Variants in CCDC88C observed in about 807,000 individuals in gnomAD.
The protein encoded by CCDC88C is coiled-coil and HOOK domain protein 88C, also known as protein Daple.
CCDC88C carries 131 observed loss-of-function variants against 198.8 expected under a neutral mutation model. The observed-to-expected ratio is 0.66, with a 90% CI of 0.57 to 0.76. The LOEUF (loss-of-function observed/expected upper bound fraction) is 0.76. Ranked by LOEUF, CCDC88C falls within the 30% of genes least tolerant of loss-of-function variation. CCDC88C has a pLI of 0.00. For missense variants in CCDC88C, 2,553 were observed against 2,631.6 expected (o/e 0.97, Z 0.65); for synonymous variants, 1,166 against 1,114.7 (o/e 1.05, Z -0.92).
chr14:91,350,869 A>G (rs1893751178), intron 4 of CCDC88C, among the ~76,000 whole-genome samples: 1 of 152,230 alleles, frequency 6.6e-6, no homozygotes, highest in Non-Finnish European at 1.5e-5. Flanking sequence ...ACTTAATTCT[A>G]AAAGCAATCC....
rs1333410195 is a variant in CCDC88C, at chr14:91,411,454, C to T, written c.162-2687G>A. 6.6e-5 allele frequency among the ~76,000 whole-genome samples: 10 copies of T among 152,148 alleles called. 1 individual carries two copies. In the South Asian group the frequency reaches 8.3e-4, roughly 13 times the overall value. On this transcript the variant is annotated intron_variant, in intron 2 of 29. Coordinates refer to ENST00000389857, the MANE Select transcript of CCDC88C (RefSeq NM_001080414.4). ...TACCACAGGAAGATGTTATTATAAC[C>T]GCTAAACAACTGCACTTCCCCAAAA... is the stretch of plus-strand genomic sequence containing the variant.
At chr14:91,335,850 A>G (rs1448161819) in intron 10 of CCDC88C, among the ~76,000 whole-genome samples, 1 of 152,206 alleles carries the variant, frequency 6.6e-6, no homozygotes, top group Non-Finnish European at 1.5e-5. Context: ...ATCTGAGAAC[A>G]GGTGTCCTCC....
chr14:91,409,630 G>A (rs187663325), intron 2 of CCDC88C, among the ~76,000 whole-genome samples: 3 of 151,468 alleles, frequency 2.0e-5, no homozygotes, highest in African/African-American at 7.3e-5. Context: ...TGGGATTATA[G>A]GTGCATGCCA....
At chr14:91,337,645 G>A (rs927790349) in intron 10 of CCDC88C, among the ~76,000 whole-genome samples, 1 of 152,230 alleles carries the variant, frequency 6.6e-6, no homozygotes, top group Non-Finnish European at 1.5e-5. Flanking sequence ...CCGGTTGCCC[G>A]TTATTCCCAC....
intron 3 of CCDC88C, among the ~76,000 whole-genome samples, chr14:91,364,392 G>A (rs909402942): frequency 6.6e-6 from 1 of 152,122 alleles, no homozygotes; most frequent in Non-Finnish European, 1.5e-5. Flanking sequence ...ATGACTCCTC[G>A]GCCAATTAAA....
intron 19 of CCDC88C, 25 bp from the exon 20 acceptor site, chr14:91,304,003 T>A (rs1891455023): frequency 1.3e-6 from 2 of 1,589,784 alleles, no homozygotes; most frequent in Non-Finnish European, 1.7e-6. Context: ...AAGCGCGGCG[T>A]GGCGCAGGCC....
At position 91,303,956 on chromosome 14, in the gene CCDC88C, G is replaced by A; in HGVS notation, c.3380C>T (p.Ser1127Phe). The change falls in exon 20 of 30, where the codon TCC becomes TTC. Residue 1127 changes from serine (S) to phenylalanine (F), a missense_variant. This residue lies in a region of CCDC88C where 1,293 missense variants were observed against 1,219.6 expected (regional missense o/e 1.06). Transcript: ENST00000389857. ...CTGCGCGGTGAGCGCTGCGCTCTGG[G>A]AACTCAGCGTGGAGTTCTCCACCTG... ...KLQVENSTLS[S>F]QSAALTAQYT... 1 of 1,605,740 alleles carries A rather than the reference G, an allele frequency of 6.2e-7. No individual in the cohort carries two copies. Among genetic ancestry groups the A allele is most frequent in the Non-Finnish European group, 8.5e-7 (1 of 1,177,970 alleles).
In CCDC88C at chr14:91,273,646, G is replaced by C. The variant is rs200602954; in HGVS notation, c.5066C>G (p.Pro1689Arg). 8.8e-6 allele frequency: 13 copies of C among 1,481,312 alleles called. 1 individual carries two copies. In the African/African-American group the frequency reaches 1.1e-4, roughly 13 times the overall value. 91.8% of individuals were successfully genotyped at this position (1,481,312 alleles called of 1,614,324 possible). A position where few individuals can be genotyped will look rare whatever the true frequency, so the allele number is the denominator to read the frequency against. ...ACTCAGCAGGTCATCCCGGCAACTG[G>C]GAGTGTCCTACGGAGAAGAGAGTGA... is the stretch of plus-strand genomic sequence containing the variant. Reference protein sequence around the residue: ...SNRSSPTHDTPSCRDDLLSDY... With the variant: ...SNRSSPTHDTRSCRDDLLSDY... Residue 1689 changes from proline (P) to arginine (R), a missense_variant, in exon 30 of 30, where the codon CCC becomes CGC. This residue lies in a region of CCDC88C where 1,293 missense variants were observed against 1,219.6 expected (regional missense o/e 1.06). Transcript: ENST00000389857. This position sits in a 1 kb window ranked among gnomAD's most constrained non-coding sequence, Gnocchi z 5.6.
chr14:91,402,109 T>C (rs963457333), intron 3 of CCDC88C, among the ~76,000 whole-genome samples: 5 of 152,080 alleles, frequency 3.3e-5, no homozygotes, highest in African/African-American at 1.2e-4. Flanking sequence ...ACCTTGCTTC[T>C]ACTAAAAATA....
intron 3 of CCDC88C, among the ~76,000 whole-genome samples, chr14:91,393,690 C>T (rs1885663449): frequency 6.6e-6 from 1 of 152,210 alleles, no homozygotes; most frequent in African/African-American, 2.4e-5. Context: ...CCCATCTCTA[C>T]TAAAAAATAC....
At chr14:91,411,945 A>G (rs1886814156) in intron 2 of CCDC88C, among the ~76,000 whole-genome samples, 1 of 150,312 alleles carries the variant, frequency 6.7e-6, no homozygotes, top group Non-Finnish European at 1.5e-5. Context: ...CCTGTGCAAC[A>G]GAGTGAGACT....
chr14:91,345,718 A>G (rs1893514137), intron 4 of CCDC88C, among the ~76,000 whole-genome samples: 1 of 152,024 alleles, frequency 6.6e-6, no homozygotes, highest in African/African-American at 2.4e-5. Flanking sequence ...CGTCATTCTG[A>G]GCTGTGTCTC....
intron 17 of CCDC88C, among the ~76,000 whole-genome samples, chr14:91,307,619 A>T (rs531233688): frequency 6.6e-6 from 1 of 152,190 alleles, no homozygotes; most frequent in African/African-American, 2.4e-5. Flanking sequence ...CCAGATTCCT[A>T]TTCAATCCTG....
chr14:91,330,898 G>T (rs1892796574), intron 10 of CCDC88C, among the ~76,000 whole-genome samples: 1 of 152,096 alleles, frequency 6.6e-6, no homozygotes, highest in Admixed American at 6.6e-5. Context: ...GCCATCCCTG[G>T]AGAAAGCCCA....
intron 29 of CCDC88C, 71 bp downstream of exon 29, chr14:91,277,851 G>T: frequency 1.4e-6 from 2 of 1,433,348 alleles, no homozygotes; most frequent in Non-Finnish European, 9.2e-7. Context: ...CCTTTCTGCA[G>T]CTATGATCTT....
At chr14:91,308,087 G>A (rs1437059701) in intron 17 of CCDC88C, among the ~76,000 whole-genome samples, 1 of 152,236 alleles carries the variant, frequency 6.6e-6, no homozygotes, top group Non-Finnish European at 1.5e-5. Context: ...GGCTCTCAGG[G>A]GTGTTCCCGT....
intron 24 of CCDC88C, among the ~76,000 whole-genome samples, chr14:91,289,650 C>G (rs891112912): frequency 6.6e-6 from 1 of 152,122 alleles, no homozygotes; most frequent in Admixed American, 6.5e-5. Flanking sequence ...ATTTTTCTGT[C>G]AAAAAGCCAT....
At chr14:91,382,018 T>C (rs1440474136) in intron 3 of CCDC88C, among the ~76,000 whole-genome samples, 3 of 152,214 alleles carry the variant, frequency 2.0e-5, no homozygotes, top group East Asian at 1.9e-4. Flanking sequence ...GGTTCTGTAA[T>C]GTCAGGGAAG....
At position 91,272,802 on chromosome 14, in the gene CCDC88C, C is replaced by A; in HGVS notation, c.5910G>T (p.Gly1970=). The A allele has an allele frequency of 6.3e-7, 1 of 1,598,950 alleles. No individual in the cohort carries two copies. Among genetic ancestry groups the A allele is most frequent in the Non-Finnish European group, 8.5e-7 (1 of 1,173,540 alleles). Residue 1970 remains glycine (G), a synonymous_variant, in exon 30 of 30, where the codon GGG becomes GGT. Coordinates refer to ENST00000389857, the MANE Select transcript of CCDC88C (RefSeq NM_001080414.4). The stretch of plus-strand genomic sequence containing the variant: ...CCGGAAGCCCCTCACTGCAGCCCTG[C>A]CCCGGGACCCCGTCTCCCTCTGAGA... ...LSLSEGDGVP[G]QGCSEGLPAK...
Sources: allele counts gnomAD v4.1 joint callset (sites outside exome capture counted in the v4.1 genomes callset), GRCh38; gene constraint gnomAD v4.1.1; regional missense constraint gnomAD v4.1.1; non-coding constraint Gnocchi (gnomAD v3.1); transcripts MANE v1.5; gene names NCBI Gene and HGNC (gene_info 2026-07-23, HGNC 2026-07-21).